KCNK1: variants seen among roughly 807,000 people sequenced by gnomAD.
KCNK1 encodes potassium two pore domain channel subfamily K member 1.
In KCNK1, 10 loss-of-function variants were observed where a neutral mutation model predicts 22.2. That is an observed-to-expected ratio of 0.45 (90% CI 0.28 to 0.76). KCNK1 has a LOEUF of 0.76. Ranked by LOEUF, KCNK1 falls within the 30% of genes least tolerant of loss-of-function variation. The pLI, the probability that KCNK1 is intolerant of heterozygous loss-of-function variation, is 0.14. For synonymous variants in KCNK1, 200 were observed against 186.4 expected (o/e 1.07, Z -0.60); for missense variants, 378 against 421.0 (o/e 0.90, Z 0.89).
At chr1:233,658,990 T>C (rs1242816569) in intron 1 of KCNK1, among the ~76,000 whole-genome samples, 2 of 152,184 alleles carry the variant, frequency 1.3e-5, no homozygotes, top group Non-Finnish European at 2.9e-5. Flanking sequence ...AAAATTGTTT[T>C]CTTTCTTCAA....
chr1:233,669,386 T>A (rs1658556712), intron 2 of KCNK1, among the ~76,000 whole-genome samples: 1 of 152,216 alleles, frequency 6.6e-6, no homozygotes, highest in Non-Finnish European at 1.5e-5. Flanking sequence ...GGATCATTTT[T>A]TAAAAAGCAA....
chr1:233,628,245 T>C (rs1253483172), intron 1 of KCNK1, among the ~76,000 whole-genome samples: 1 of 152,120 alleles, frequency 6.6e-6, no homozygotes, highest in Non-Finnish European at 1.5e-5. Flanking sequence ...ATGAATACTA[T>C]TGAAAAGTCC....
intron 1 of KCNK1, chr1:233,650,069 T>A: frequency 1.9e-6 from 1 of 533,134 alleles, no homozygotes; most frequent in South Asian, 1.4e-5. Flanking sequence ...CACTTTCTTG[T>A]CCTTGTAATA....
intron 1 of KCNK1, among the ~76,000 whole-genome samples, chr1:233,623,268 A>G (rs961477709): frequency 9.9e-5 from 15 of 152,100 alleles, no homozygotes; most frequent in Admixed American, 3.9e-4. Flanking sequence ...AATGGAGCAT[A>G]CTAGCATCTG....
intron 1 of KCNK1, among the ~76,000 whole-genome samples, chr1:233,620,988 T>C (rs1657576559): frequency 1.3e-5 from 2 of 152,152 alleles, no homozygotes; most frequent in South Asian, 4.1e-4. Flanking sequence ...AAACGGAAAT[T>C]AATAGGTTGA....
intron 1 of KCNK1, among the ~76,000 whole-genome samples, chr1:233,615,449 C>G (rs1657471286): frequency 6.6e-6 from 1 of 152,188 alleles, no homozygotes; most frequent in Admixed American, 6.5e-5. Flanking sequence ...CCCAGCCGGA[C>G]CTAGTAAGGC....
chr1:233,668,359 A>G (rs1461692948), intron 2 of KCNK1, among the ~76,000 whole-genome samples: 5 of 152,230 alleles, frequency 3.3e-5, no homozygotes, highest in African/African-American at 1.2e-4. Flanking sequence ...CCATGGGCTC[A>G]GCCAAAACAG....
Position 233,666,936 on chromosome 1 carries a change from C to A in KCNK1, c.697C>A (p.Pro233Thr). 6.2e-7 allele frequency: 1 copy of A among 1,613,760 alleles called. No homozygotes were observed. The change falls in exon 2 of 3, where the codon CCT (proline) becomes ACT (threonine). Residue 233 changes from proline (P) to threonine (T), a missense_variant. By Grantham distance (38) the Pro-to-Thr change is conservative. Transcript: ENST00000366621. The part of the protein sequence containing the change: ...LSTIGLGDYV[P>T]GEGYNQKFRE... The stretch of plus-strand genomic sequence containing the variant: ...CACCATTGGCCTGGGGGATTATGTG[C>A]CTGGGGAAGGCTACAATCAAAAATT...
chr1:233,671,347 C>G lies in KCNK1; in HGVS notation c.828C>G (p.Phe276Leu). 6.2e-7 allele frequency: 1 copy of G among 1,614,152 alleles called. No individual in the cohort carries two copies. Among genetic ancestry groups the G allele is most frequent in the Non-Finnish European group, 8.5e-7 (1 of 1,180,022 alleles). Residue 276 changes from phenylalanine to leucine, a missense_variant, in exon 3 of 3, where the codon TTC becomes TTG. By Grantham distance (22) the Phe-to-Leu change is conservative (BLOSUM62 0). Transcript: ENST00000366621. Reference protein sequence around the residue: ...TFCELHELKKFRKMFYVKKDK... With the variant: ...TFCELHELKKLRKMFYVKKDK... ...GTGAACTCCATGAGCTGAAAAAATTCAGAAAAATGTTCTATGTGAAGAAGG... is the reference window on the plus strand; with the variant it reads ...GTGAACTCCATGAGCTGAAAAAATTGAGAAAAATGTTCTATGTGAAGAAGG...
chr1:233,648,563 CTTTT>C (rs879377583), intron 1 of KCNK1, among the ~76,000 whole-genome samples: 1 of 146,418 alleles, frequency 6.8e-6, no homozygotes, highest in Non-Finnish European at 1.5e-5. Flanking sequence ...TGCTTGCTTG[CTTTT>C]TTTTTTTCTT....
Position 233,614,203 on chromosome 1 carries a change from T to C in KCNK1, c.32T>C (p.Val11Ala). Residue 11 changes from valine (V) to alanine (A), a missense_variant, in exon 1 of 3, where the codon GTG becomes GCG. By Grantham distance (64) the Val-to-Ala change is moderately conservative. Coordinates refer to ENST00000366621, the MANE Select transcript of KCNK1 (RefSeq NM_002245.4). MLQSLAGSSC[V>A]RLVERHRSAW... ...CAGTCCCTGGCCGGCAGCTCGTGCG[T>C]GCGCCTGGTGGAGCGGCACCGCTCG... 6.2e-7 allele frequency: 1 copy of C among 1,608,774 alleles called. No individual in the cohort carries two copies. The highest frequency in any genetic ancestry group is 8.5e-7 in the Non-Finnish European group (1 of 1,179,594).
rs562172663 is a variant in KCNK1, at chr1:233,650,432, G to C, written c.356-16163G>C. On this transcript the variant is annotated intron_variant, in intron 1 of 2. Coordinates refer to ENST00000366621, the MANE Select transcript of KCNK1 (RefSeq NM_002245.4). ...CTTGGGGAATATTAAAACGTGTGCA[G>C]AGAACAGAGGGGAGCATATAGTTCA... Among the ~76,000 whole-genome samples the C allele has an allele frequency of 2.6e-5, 4 of 152,332 alleles. No individual in the cohort carries two copies. The South Asian group carries it at 8.3e-4, about 32-fold the overall frequency.
At chr1:233,637,156 A>G (rs535895517) in intron 1 of KCNK1, 2 of 146,710 alleles carry the variant, frequency 1.4e-5, no homozygotes, top group African/African-American at 2.5e-5. Flanking sequence ...AGATCGTGCC[A>G]CTGCACTCCA....
intron 1 of KCNK1, among the ~76,000 whole-genome samples, chr1:233,653,207 A>G (rs1350895719): frequency 1.3e-5 from 2 of 152,216 alleles, no homozygotes; most frequent in Non-Finnish European, 2.9e-5. Context: ...CAGAAACCAC[A>G]GTAAAGTTCC....
At chr1:233,652,810 C>T (rs1658224578) in intron 1 of KCNK1, among the ~76,000 whole-genome samples, 1 of 152,194 alleles carries the variant, frequency 6.6e-6, no homozygotes, top group Non-Finnish European at 1.5e-5. Context: ...GGGACTGTTT[C>T]TAGGCCATGC....
intron 1 of KCNK1, among the ~76,000 whole-genome samples, chr1:233,629,245 G>A (rs956894806): frequency 2.6e-5 from 4 of 152,200 alleles, no homozygotes; most frequent in Non-Finnish European, 5.9e-5. Context: ...TGGTAATTGG[G>A]TAATTGGGTA....
intron 1 of KCNK1, among the ~76,000 whole-genome samples, chr1:233,638,034 CTGTTA>C (rs1657933962): frequency 6.7e-6 from 1 of 149,166 alleles, no homozygotes. Flanking sequence ...TCTCCTGCTT[CTGTTA>C]TATTTATTTT....
chr1:233,626,114 G>GA, intron 1 of KCNK1, among the ~76,000 whole-genome samples: 1 of 151,992 alleles, frequency 6.6e-6, no homozygotes, highest in East Asian at 1.9e-4. Flanking sequence ...TGACCCAGGG[G>GA]GTCATCGGAC....
At chr1:233,614,791 G>A (rs1657458136) in intron 1 of KCNK1, among the ~76,000 whole-genome samples, 1 of 152,192 alleles carries the variant, frequency 6.6e-6, no homozygotes. Context: ...ACGTGACTTG[G>A]TTGTTGCCGT....
Sources: gnomAD v4.1 joint callset for allele counts (sites outside exome capture counted in the v4.1 genomes callset) on GRCh38, gnomAD v4.1.1 for gene constraint, MANE v1.5 for transcripts, NCBI Gene and HGNC (gene_info 2026-07-23, HGNC 2026-07-21) for gene names.